Variants in PAWR observed in about 807,000 individuals in gnomAD.
PAWR encodes PRKC apoptosis WT1 regulator protein.
Under a neutral mutation model 32.0 loss-of-function variants are expected in PAWR, and 23 were observed. The observed-to-expected ratio is 0.72, with a 90% CI of 0.52 to 1.02. PAWR has a LOEUF of 1.02. Ranked by LOEUF, PAWR falls within the 50% of genes least tolerant of loss-of-function variation. The pLI is 0.00. For synonymous variants in PAWR, 226 were observed against 187.1 expected (o/e 1.21, Z -1.70); for missense variants, 457 against 437.7 (o/e 1.04, Z -0.39).
In PAWR at chr12:79,585,166, C is replaced by G; in HGVS notation, c.*7441G>C. On this transcript the variant is annotated 3_prime_UTR_variant, in exon 7 of 7. Transcript: ENST00000328827. ...ATCAGGAGCTTAAAACAAAACAAAACAAAAACAAACAAAAAACAAGTTCAT... is the reference window on the plus strand; with the variant it reads ...ATCAGGAGCTTAAAACAAAACAAAAGAAAAACAAACAAAAAACAAGTTCAT... 2.2e-6 allele frequency: 1 copy of G among 451,038 alleles called. No individual in the cohort carries two copies. The highest frequency in any genetic ancestry group is 4.4e-6 in the Non-Finnish European group (1 of 225,158). The allele number at this position is 451,038 out of a possible 1,614,324, so 27.9% of individuals were successfully genotyped here.
chr12:79,670,488 G>C (rs1318977141), intron 2 of PAWR, among the ~76,000 whole-genome samples: 5 of 151,716 alleles, frequency 3.3e-5, no homozygotes, highest in Admixed American at 6.6e-5. Flanking sequence ...CAATGAATAA[G>C]AATAAAAATT....
At chr12:79,675,320 A>G (rs1221098167) in intron 2 of PAWR, among the ~76,000 whole-genome samples, 5 of 152,306 alleles carry the variant, frequency 3.3e-5, no homozygotes, top group African/African-American at 1.2e-4. Flanking sequence ...TGGAGGTTGC[A>G]GTAAGCTAGG....
At chr12:79,618,429 C>A (rs189604963) in intron 3 of PAWR, among the ~76,000 whole-genome samples, 2 of 152,130 alleles carry the variant, frequency 1.3e-5, no homozygotes, top group Non-Finnish European at 2.9e-5. Flanking sequence ...GCACCAGGCC[C>A]TTATCACTTC....
rs1322896497 is a variant in PAWR, at chr12:79,589,200, T to C, written c.*3407A>G. On this transcript the variant is annotated 3_prime_UTR_variant, in exon 7 of 7. Coordinates refer to ENST00000328827, the MANE Select transcript of PAWR (RefSeq NM_002583.4). ...AAAAAACTCCAAAGAAAGATACCTA[T>C]CACTGTACATATGAATACTGTCCAG... The C allele has an allele frequency of 1.3e-5, 2 of 151,914 alleles. No homozygotes were observed. The highest frequency in any genetic ancestry group is 2.9e-5 in the Non-Finnish European group (2 of 67,870). 9.4% of individuals were successfully genotyped at this position (151,914 alleles called of 1,614,324 possible). A position where few individuals can be genotyped will look rare whatever the true frequency, so the allele number is the denominator to read the frequency against.
chr12:79,608,383 T>TA (rs1466308579), intron 4 of PAWR, among the ~76,000 whole-genome samples: 1 of 152,176 alleles, frequency 6.6e-6, no homozygotes, highest in African/African-American at 2.4e-5. Context: ...AAGGAGCATG[T>TA]AACCTAGGTC....
At chr12:79,671,285 C>A (rs1303140419) in intron 2 of PAWR, among the ~76,000 whole-genome samples, 1 of 152,156 alleles carries the variant, frequency 6.6e-6, no homozygotes, top group African/African-American at 2.4e-5. Context: ...AATCAATTTA[C>A]CATCTAAAAT....
At chr12:79,615,555 A>G (rs987611684) in intron 3 of PAWR, among the ~76,000 whole-genome samples, 1 of 152,184 alleles carries the variant, frequency 6.6e-6, no homozygotes, top group Non-Finnish European at 1.5e-5. Flanking sequence ...TACAGCAAGG[A>G]CAACAACAAA....
chr12:79,622,375 G>A (rs1875064730), intron 2 of PAWR, among the ~76,000 whole-genome samples: 1 of 152,086 alleles, frequency 6.6e-6, no homozygotes, highest in Non-Finnish European at 1.5e-5. Context: ...TGTTACACAT[G>A]TATACATGTG....
chr12:79,637,698 G>T (rs899576390), intron 2 of PAWR, among the ~76,000 whole-genome samples: 3 of 151,778 alleles, frequency 2.0e-5, no homozygotes, highest in Middle Eastern at 3.4e-3. Flanking sequence ...AATATGCTAC[G>T]GTCTGCTACA....
intron 2 of PAWR, among the ~76,000 whole-genome samples, chr12:79,675,156 C>T (rs1878101721): frequency 6.6e-6 from 1 of 152,082 alleles, no homozygotes; most frequent in East Asian, 1.9e-4. Flanking sequence ...GCGGGTGGAT[C>T]GCTTGGGCTC....
intron 2 of PAWR, among the ~76,000 whole-genome samples, chr12:79,637,803 A>G (rs1468028403): frequency 6.6e-6 from 1 of 152,092 alleles, no homozygotes; most frequent in African/African-American, 2.4e-5. Flanking sequence ...AAAACTATTA[A>G]CATCTTAAAA....
At chr12:79,635,666 T>C (rs1382579717) in intron 2 of PAWR, 1 of 152,156 alleles carries the variant, frequency 6.6e-6, no homozygotes, top group African/African-American at 2.4e-5. Context: ...TTTTTAAAAA[T>C]TGCTTGCCAT....
intron 4 of PAWR, among the ~76,000 whole-genome samples, chr12:79,604,970 T>C (rs1874110961): frequency 6.6e-6 from 1 of 152,152 alleles, no homozygotes; most frequent in Non-Finnish European, 1.5e-5. Context: ...ATGAAAAATA[T>C]ATATCTCCTC....
At chr12:79,633,395 C>T (rs944565768) in intron 2 of PAWR, among the ~76,000 whole-genome samples, 1 of 152,140 alleles carries the variant, frequency 6.6e-6, no homozygotes, top group African/African-American at 2.4e-5. Context: ...CACTCAACAT[C>T]ATGTCATTAG....
chr12:79,606,722 C>G (rs1002362132), intron 4 of PAWR, among the ~76,000 whole-genome samples: 8 of 152,160 alleles, frequency 5.3e-5, no homozygotes, highest in Non-Finnish European at 8.8e-5. Flanking sequence ...CCTACCCATG[C>G]TAGGCAAATT....
chr12:79,635,031 C>A (rs1875893978), intron 2 of PAWR, among the ~76,000 whole-genome samples: 2 of 152,134 alleles, frequency 1.3e-5, no homozygotes, highest in Non-Finnish European at 2.9e-5. Flanking sequence ...CTGTACATAA[C>A]CTCACATATC....
chr12:79,593,893 G>A (rs970268904), intron 6 of PAWR, among the ~76,000 whole-genome samples: 5 of 151,384 alleles, frequency 3.3e-5, no homozygotes, highest in East Asian at 2.0e-4. Flanking sequence ...TAGTAGAGTC[G>A]GGGTTTTACC....
intron 2 of PAWR, among the ~76,000 whole-genome samples, chr12:79,649,080 T>C (rs1876718221): frequency 2.0e-5 from 3 of 152,182 alleles, no homozygotes; most frequent in African/African-American, 7.2e-5. Context: ...ACACTGTGAT[T>C]CCTTAACTGG....
chr12:79,672,939 A>C (rs1009693759), intron 2 of PAWR, among the ~76,000 whole-genome samples: 22 of 152,266 alleles, frequency 1.4e-4, no homozygotes, highest in African/African-American at 5.3e-4. Context: ...TCTCTAAAAC[A>C]ATTCTTCTAC....
Sources: gnomAD v4.1 joint callset for allele counts (sites outside exome capture counted in the v4.1 genomes callset) on GRCh38, gnomAD v4.1.1 for gene constraint, MANE v1.5 for transcripts, NCBI Gene and HGNC (gene_info 2026-07-23, HGNC 2026-07-21) for gene names.